Variants in CRISPLD1 observed in about 807,000 individuals in gnomAD.
CRISPLD1 encodes the protein cysteine rich secretory protein LCCL domain containing 1, also known as cysteine-rich secretory protein LCCL domain-containing 1.
Under a neutral mutation model 77.5 loss-of-function variants are expected in CRISPLD1, and 60 were observed. The observed-to-expected ratio is 0.77, with a 90% CI of 0.63 to 0.96. The LOEUF (loss-of-function observed/expected upper bound fraction) is 0.96, where lower values mean the gene tolerates loss of function less well. CRISPLD1 is among the 40% of genes least tolerant of loss of function. CRISPLD1 has a pLI of 0.00. For synonymous variants in CRISPLD1, 195 were observed against 200.1 expected, an observed-to-expected ratio of 0.97 and a Z score of 0.22; for missense variants, 623 against 615.8, an observed-to-expected ratio of 1.01 and a Z score of -0.12.
intron 6 of CRISPLD1, 145 bp downstream of exon 6, chr8:75,015,057 TTTTACAAATATTTA>T (rs1813004851): frequency 2.3e-6 from 1 of 444,140 alleles, no homozygotes; most frequent in Non-Finnish European, 4.0e-6. Context: ...TGAAGAAATC[TTTTACAAATATTTA>T]TATTACTAAT....
rs192846152 is a variant in CRISPLD1 at position 75,019,804 on chromosome 8, C to A, written c.1128-66C>A. ...TAAGTGTTCATAGACTTGAAAGATA[C>A]CAGAAATGATGCTGCTGCTGATGCC... On this transcript the variant is annotated intron_variant, in intron 10 of 14. Coordinates refer to ENST00000262207, the MANE Select transcript of CRISPLD1 (RefSeq NM_031461.6). The A allele has an allele frequency of 1.7e-4, 219 of 1,280,768 alleles. No individual in the cohort carries two copies. In the African/African-American group the frequency reaches 2.9e-3, roughly 17 times the overall value. The allele number at this position is 1,280,768 out of a possible 1,614,324, so 79.3% of individuals were successfully genotyped here.
At chr8:75,015,901 CT>C (rs552798822) in intron 6 of CRISPLD1, among the ~76,000 whole-genome samples, 3 of 151,176 alleles carry the variant, frequency 2.0e-5, no homozygotes, top group Admixed American at 6.6e-5. Flanking sequence ...TGACTTCATA[CT>C]TTTTTTTTAG....
intron 10 of CRISPLD1, among the ~76,000 whole-genome samples, chr8:75,019,278 T>C (rs1336609367): frequency 6.6e-6 from 1 of 152,194 alleles, no homozygotes; most frequent in Non-Finnish European, 1.5e-5. Context: ...CCATCACAAA[T>C]AAGCCTTACC....
At chr8:75,021,451 T>C (rs1387745575) in intron 12 of CRISPLD1, among the ~76,000 whole-genome samples, 1 of 152,224 alleles carries the variant, frequency 6.6e-6, no homozygotes. Context: ...TTGAGAATTT[T>C]AAAATTCTTC....
chr8:74,985,033 G>A (rs963825171), intron 1 of CRISPLD1, 113 bp downstream of exon 1: 1 of 151,932 alleles, frequency 6.6e-6, no homozygotes, highest in Non-Finnish European at 1.5e-5. Flanking sequence ...TGTACAGAGT[G>A]GTTGGGCGCG....
In CRISPLD1 at chr8:74,984,612, C is replaced by G. The variant is rs1258192453; in HGVS notation, c.-371C>G. On this transcript the variant is annotated 5_prime_UTR_variant, in exon 1 of 15. Transcript: ENST00000262207. ...CTCGTTCGTGTCCCCGCCCCTCGCT[C>G]CTGCAGCTACTGCTCAGAAACGCTG... The G allele has an allele frequency of 6.5e-6, 1 of 152,850 alleles. No individual in the cohort carries two copies. The highest frequency in any genetic ancestry group is 1.5e-5 in the Non-Finnish European group (1 of 68,558). The allele number at this position is 152,850 out of a possible 1,614,324, so 9.5% of individuals were successfully genotyped here. A position where few individuals can be genotyped will look rare whatever the true frequency, so the allele number is the denominator to read the frequency against.
intron 13 of CRISPLD1, among the ~76,000 whole-genome samples, chr8:75,028,876 A>AG (rs1399952961): frequency 6.6e-6 from 1 of 152,096 alleles, no homozygotes; most frequent in African/African-American, 2.4e-5. Context: ...TAAGAAAAAA[A>AG]CTGCCCCATT....
chr8:75,003,719 A>G (rs1196629361), intron 2 of CRISPLD1, among the ~76,000 whole-genome samples: 1 of 152,114 alleles, frequency 6.6e-6, no homozygotes, highest in East Asian at 1.9e-4. Flanking sequence ...TACATTTGCA[A>G]TTACTAAAGA....
intron 12 of CRISPLD1, among the ~76,000 whole-genome samples, chr8:75,020,741 A>G (rs1225634483): frequency 6.6e-6 from 1 of 152,232 alleles, no homozygotes; most frequent in Admixed American, 6.5e-5. Flanking sequence ...AAAGTGGCAT[A>G]ACTCATATTT....
rs1813040918 is a variant in CRISPLD1 at position 75,016,952 on chromosome 8, T to G, written c.929+11T>G. The G allele has an allele frequency of 6.5e-7, 1 of 1,529,692 alleles. No individual in the cohort carries two copies. Among genetic ancestry groups the G allele is most frequent in the Non-Finnish European group, 8.8e-7 (1 of 1,130,022 alleles). 94.8% of individuals were successfully genotyped at this position (1,529,692 alleles called of 1,614,324 possible). A position where few individuals can be genotyped will look rare whatever the true frequency, so the allele number is the denominator to read the frequency against. ...AACAACCTGCAATAGGTAATATTTG[T>G]TATTATTTTGAAAATTAATTGAATA... On this transcript the variant is annotated intron_variant, in intron 8 of 14. Coordinates refer to ENST00000262207, the MANE Select transcript of CRISPLD1 (RefSeq NM_031461.6).
At chr8:75,007,663 C>CTTTTTTTT (rs34289550) in intron 2 of CRISPLD1, among the ~76,000 whole-genome samples, 4 of 89,306 alleles carry the variant, frequency 4.5e-5, no homozygotes, top group African/African-American at 4.8e-5. Context: ...GAACCATCGA[C>CTTTTTTTT]TTTTTTTTTT....
intron 12 of CRISPLD1, among the ~76,000 whole-genome samples, chr8:75,022,868 ACTAT>A (rs1363784362): frequency 3.9e-5 from 6 of 151,992 alleles, no homozygotes; most frequent in Non-Finnish European, 8.8e-5. Context: ...TTCAAAATAA[ACTAT>A]CTAACTATTA....
chr8:74,999,827 A>G (rs1812709113), intron 2 of CRISPLD1, among the ~76,000 whole-genome samples: 1 of 151,474 alleles, frequency 6.6e-6, no homozygotes, highest in South Asian at 2.1e-4. Context: ...AGAAGTTTGA[A>G]CAATAATTTT....
chr8:74,989,664 G>A (rs78129087), intron 2 of CRISPLD1, among the ~76,000 whole-genome samples: 8 of 151,788 alleles, frequency 5.3e-5, no homozygotes, highest in Non-Finnish European at 8.8e-5. Context: ...TGTCAGATGC[G>A]TAGTTTACAA....
At chr8:75,005,398 A>C (rs1247129726) in intron 2 of CRISPLD1, among the ~76,000 whole-genome samples, 1 of 138,354 alleles carries the variant, frequency 7.2e-6, no homozygotes, top group Non-Finnish European at 1.5e-5. Context: ...CAAAGATATA[A>C]ATTTGGAAAT....
At chr8:75,006,279 A>G (rs972289993) in intron 2 of CRISPLD1, among the ~76,000 whole-genome samples, 26 of 152,212 alleles carry the variant, frequency 1.7e-4, no homozygotes, top group Non-Finnish European at 3.8e-4. Flanking sequence ...ACGGTATAAT[A>G]ATCCAATTAG....
chr8:75,012,502 G>A lies in CRISPLD1; in HGVS notation c.328G>A (p.Ala110Thr). Reference sequence around the variant, plus strand: ...AAGTTGCTTGTGGGAACATGGACCTGCAAGCTTGCTTCCATCAATTGGACA... The same window carrying A: ...AAGTTGCTTGTGGGAACATGGACCTACAAGCTTGCTTCCATCAATTGGACA... The part of the protein sequence containing the change: ...AESCLWEHGP[A>T]SLLPSIGQNL... The change falls in exon 3 of 15, where the codon GCA (alanine) becomes ACA (threonine). Residue 110 changes from alanine to threonine, a missense_variant. Transcript: ENST00000262207. 6.2e-7 allele frequency: 1 copy of A among 1,612,914 alleles called. No homozygotes were observed. The highest frequency in any genetic ancestry group is 8.5e-7 in the Non-Finnish European group (1 of 1,179,132).
intron 2 of CRISPLD1, among the ~76,000 whole-genome samples, chr8:75,002,102 A>G (rs1464489186): frequency 6.6e-6 from 1 of 152,102 alleles, no homozygotes; most frequent in Non-Finnish European, 1.5e-5. Flanking sequence ...TTTACAGCAA[A>G]GCTAGGAGTA....
chr8:75,012,141 G>A (rs1049598162), intron 2 of CRISPLD1, among the ~76,000 whole-genome samples: 1 of 152,036 alleles, frequency 6.6e-6, no homozygotes, highest in Admixed American at 6.6e-5. Context: ...TTATGTATAT[G>A]GGGATTTGTT....
Sources: gnomAD v4.1 joint callset for allele counts (sites outside exome capture counted in the v4.1 genomes callset) on GRCh38, gnomAD v4.1.1 for gene constraint, MANE v1.5 for transcripts, NCBI Gene and HGNC (gene_info 2026-07-23, HGNC 2026-07-21) for gene names.